ABL1: variants seen among roughly 807,000 people sequenced by gnomAD.
ABL1 encodes the protein ABL proto-oncogene 1, non-receptor tyrosine kinase, also known as tyrosine-protein kinase ABL1.
Under a neutral mutation model 94.7 loss-of-function variants are expected in ABL1, and 11 were observed. The observed-to-expected ratio is 0.12, with a 90% confidence interval of 0.07 to 0.19. The LOEUF (loss-of-function observed/expected upper bound fraction) is 0.19, where lower values mean the gene tolerates loss of function less well. ABL1 is among the 10% of genes least tolerant of loss of function. The pLI, the probability that ABL1 is intolerant of heterozygous loss-of-function variation, is 1.00. For missense variants in ABL1, 1,082 were observed against 1,489.4 expected, an observed-to-expected ratio of 0.73 and a Z score of 4.50; for synonymous variants, 656 against 622.4, an observed-to-expected ratio of 1.05 and a Z score of -0.80.
chr9:130,860,547 C>G (rs542695016), intron 3 of ABL1, among the ~76,000 whole-genome samples: 1 of 152,254 alleles, frequency 6.6e-6, no homozygotes, highest in African/African-American at 2.4e-5. Flanking sequence ...GGGGAACGCT[C>G]CTTTGAGGCC....
chr9:130,819,625 G>T (rs1273773728), intron 1 of ABL1, among the ~76,000 whole-genome samples: 1 of 124,550 alleles, frequency 8.0e-6, no homozygotes, highest in Non-Finnish European at 1.6e-5. Flanking sequence ...TGCAACCTCC[G>T]CCTCCCAGGT....
At chr9:130,853,474 G>A (rs928319169) in intron 1 of ABL1, among the ~76,000 whole-genome samples, 1 of 151,766 alleles carries the variant, frequency 6.6e-6, no homozygotes, top group East Asian at 1.9e-4. Context: ...GAGTGCAGTG[G>A]CGCAATCTCT....
intron 1 of ABL1, among the ~76,000 whole-genome samples, chr9:130,737,854 A>G (rs2583846): frequency 0.52 from 76,346 of 146,024 alleles, 21,460 homozygotes; most frequent in African/African-American, 0.74. Context: ...TTTTTGAGAC[A>G]GAGTCTCACT....
intron 1 of ABL1, among the ~76,000 whole-genome samples, chr9:130,850,390 G>A (rs1830837285): frequency 6.6e-6 from 1 of 152,198 alleles, no homozygotes; most frequent in South Asian, 2.1e-4. Context: ...GTAGTGAATG[G>A]CTCTAAGTTC....
chr9:130,848,613 G>A (rs1305666010), intron 1 of ABL1, among the ~76,000 whole-genome samples: 2 of 151,540 alleles, frequency 1.3e-5, no homozygotes, highest in Non-Finnish European at 2.9e-5. Context: ...CATTTTTTGT[G>A]AGAAATATAC....
In ABL1 at chr9:130,802,095, C is replaced by CTTTTTTTT. The variant is rs3085157; in HGVS notation, c.137-51961_137-51954dup. On this transcript the variant is annotated intron_variant, in intron 1 of 10. Transcript: ENST00000372348. ...AGTCTGTTCATTTTTTTCCTTCAGT[C>CTTTTTTTT]TTTTTTTTTTTTTTTGAAATGGTCT... 6.3e-4 allele frequency among the ~76,000 whole-genome samples: 83 copies of CTTTTTTTT among 132,070 alleles called. 3 individuals carry two copies. The highest frequency in any genetic ancestry group is 2.2e-3 in the African/African-American group (74 of 33,804). 86.6% of individuals were successfully genotyped at this position (132,070 alleles called of 152,430 possible).
In ABL1 at chr9:130,728,230, A is replaced by ATTTTTTT. The variant is rs55915035; in HGVS notation, c.136+13787_136+13793dup. On this transcript the variant is annotated intron_variant, in intron 1 of 10. Coordinates refer to the ABL1 transcript ENST00000372348. Reference sequence around the variant, plus strand: ...GGGCATGCGCCACCATGTCCAGCTGATTTTTTTTTTTTTTTTTTGTGGAGA... The same window carrying ATTTTTTT: ...GGGCATGCGCCACCATGTCCAGCTGATTTTTTTTTTTTTTTTTTTTTTTTTGTGGAGA... 3.0e-4 allele frequency among the ~76,000 whole-genome samples: 31 copies of ATTTTTTT among 102,572 alleles called. 2 individuals carry two copies. Among genetic ancestry groups the ATTTTTTT allele is most frequent in the African/African-American group, 1.4e-3 (26 of 19,038 alleles). 67.3% of individuals were successfully genotyped at this position (102,572 alleles called of 152,430 possible).
intron 1 of ABL1, among the ~76,000 whole-genome samples, chr9:130,760,647 C>T (rs1177133763): frequency 6.6e-6 from 1 of 151,718 alleles, no homozygotes; most frequent in Non-Finnish European, 1.5e-5. Context: ...TTTTGGGAGA[C>T]TAGATTTATT....
intron 7 of ABL1, 135 bp downstream of exon 7, chr9:130,875,187 G>T: frequency 1.0e-6 from 1 of 993,758 alleles, no homozygotes; most frequent in Non-Finnish European, 1.4e-6. Flanking sequence ...TGTCACCCAG[G>T]CTGGAGTGCA....
intron 1 of ABL1, among the ~76,000 whole-genome samples, chr9:130,850,912 TTTTGTTTG>T (rs574899693): frequency 9.6e-5 from 13 of 135,862 alleles, no homozygotes; most frequent in East Asian, 6.7e-4. Flanking sequence ...TTTTGTTTGT[TTTTGTTTG>T]TTTGTTTGTT....
intron 1 of ABL1, among the ~76,000 whole-genome samples, chr9:130,771,805 G>T (rs1394106574): frequency 1.4e-5 from 2 of 140,692 alleles, no homozygotes; most frequent in Non-Finnish European, 3.0e-5. Context: ...CCAGGCTGGA[G>T]TGCAGTGGCA....
At chr9:130,713,358 C>T (rs866145251) in exon 1 of ABL1, among the ~76,000 whole-genome samples, 33 of 152,298 alleles carry the variant, frequency 2.2e-4, no homozygotes, top group African/African-American at 4.3e-4. Context: ...CCCTTACAGC[C>T]CCGCCCCGGC....
At position 130,845,477 on chromosome 9, in the gene ABL1, G is replaced by T. The variant is rs145540111; in HGVS notation, c.80-8587G>T. 4.2e-3 allele frequency among the ~76,000 whole-genome samples: 646 copies of T among 152,212 alleles called. 16 individuals carry two copies. The highest frequency in any genetic ancestry group is 0.038 in the Admixed American group (575 of 15,288). On this transcript the variant is annotated intron_variant, in intron 1 of 10. Coordinates refer to ENST00000318560, the MANE Select transcript of ABL1 (RefSeq NM_005157.6). ...CTGCCTCAGCCTCCCGAGTAGCTGG[G>T]ACTGCAGATGTGCACCACCACGCCC...
At chr9:130,725,499 C>T (rs1415823467) in intron 1 of ABL1, among the ~76,000 whole-genome samples, 1 of 152,060 alleles carries the variant, frequency 6.6e-6, no homozygotes, top group Non-Finnish European at 1.5e-5. Flanking sequence ...TTCTGCCTCA[C>T]CCTCCCAAGT....
rs147026468 is a variant in ABL1, at chr9:130,862,036, C to T, written c.550-727C>T. On this transcript the variant is annotated intron_variant, in intron 3 of 10. Coordinates refer to ENST00000318560, the MANE Select transcript of ABL1 (RefSeq NM_005157.6). The surrounding 1 kb of genome is among the most constrained non-coding windows in gnomAD (Gnocchi z 5.5). ...ACACGGGGACCGAATGCTCTTGTGTCGTAAATCCTTCCTTTTGCTTCCTCG... is the reference window on the plus strand; with the variant it reads ...ACACGGGGACCGAATGCTCTTGTGTTGTAAATCCTTCCTTTTGCTTCCTCG... 3.6e-3 allele frequency among the ~76,000 whole-genome samples: 548 copies of T among 152,306 alleles called. 4 individuals carry two copies. The highest frequency in any genetic ancestry group is 0.012 in the African/African-American group (514 of 41,568).
exon 1 of ABL1, chr9:130,713,992 C>G (rs1335161993): frequency 3.7e-6 from 1 of 269,744 alleles, no homozygotes; most frequent in Admixed American, 5.1e-5. Flanking sequence ...TCAGCATCCC[C>G]TGTGAATATT....
intron 1 of ABL1, among the ~76,000 whole-genome samples, chr9:130,746,220 GC>G (rs1334973650): frequency 1.6e-5 from 1 of 60,936 alleles, no homozygotes; most frequent in Non-Finnish European, 2.7e-5. Flanking sequence ...AGAATTTAAT[GC>G]GTTTTTTTTT....
At chr9:130,740,582 T>C (rs1831803949) in intron 1 of ABL1, among the ~76,000 whole-genome samples, 1 of 152,214 alleles carries the variant, frequency 6.6e-6, no homozygotes, top group African/African-American at 2.4e-5. Flanking sequence ...ATTAGACGTA[T>C]GTTTATCACT....
At chr9:130,878,874 ATTTTTTTTTTTT>A (rs943552961) in intron 8 of ABL1, among the ~76,000 whole-genome samples, 1 of 127,288 alleles carries the variant, frequency 7.9e-6, no homozygotes, top group Admixed American at 8.0e-5. Flanking sequence ...TCATGAGGTG[ATTTTTTTTTTTT>A]TTTTTTTTGA....
Sources: allele counts gnomAD v4.1 joint callset (sites outside exome capture counted in the v4.1 genomes callset), GRCh38; gene constraint gnomAD v4.1.1; non-coding constraint Gnocchi (gnomAD v3.1); transcripts MANE v1.5; gene names NCBI Gene and HGNC (gene_info 2026-07-23, HGNC 2026-07-21).